LRRC4C: variants seen among roughly 807,000 people sequenced by gnomAD.
LRRC4C encodes the protein leucine rich repeat containing 4C.
A neutral mutation model predicts 33.6 loss-of-function variants in LRRC4C; 5 were observed. The ratio of observed to expected loss-of-function variants is 0.15; its 90% CI spans 0.08 to 0.31. The LOEUF is 0.31. Among genes scored for constraint, LRRC4C ranks in the 10% least tolerant of loss-of-function variants. The probability of loss-of-function intolerance (pLI) is 1.00; values close to 1 mark genes in which losing one functional copy is unlikely to be tolerated. For missense variants in LRRC4C, 560 were observed against 796.7 expected (o/e 0.70, Z 3.58); for synonymous variants, 329 against 302.0 (o/e 1.09, Z -0.93).
chr11:40,893,762 A>T (rs976025229), intron 2 of LRRC4C, among the ~76,000 whole-genome samples: 2 of 151,900 alleles, frequency 1.3e-5, no homozygotes, highest in African/African-American at 4.8e-5. Flanking sequence ...TCAGATTTGG[A>T]GATTATGGCT....
rs149404153 is a variant in LRRC4C at position 41,246,518 on chromosome 11, T to C, written c.-496+212913A>G. Among the ~76,000 whole-genome samples the C allele has an allele frequency of 2.5e-3, 379 of 152,214 alleles. 1 individual carries two copies. The highest frequency in any genetic ancestry group is 8.5e-3 in the African/African-American group (353 of 41,544). ...GCTATAGCTGAGCTCAGAAGAATGG[T>C]GCTCCCCACCCTTCAACTTGGAAGC... On this transcript the variant is annotated intron_variant, in intron 1 of 6. Transcript: ENST00000528697.
chr11:40,183,565 A>G (rs954776973), intron 5 of LRRC4C, among the ~76,000 whole-genome samples: 6 of 152,204 alleles, frequency 3.9e-5, no homozygotes, highest in African/African-American at 1.2e-4. Flanking sequence ...TCAGTTCTAC[A>G]TTGCAGTTTA....
intron 3 of LRRC4C, among the ~76,000 whole-genome samples, chr11:40,513,523 T>C (rs1196143623): frequency 6.6e-6 from 1 of 152,140 alleles, no homozygotes; most frequent in Non-Finnish European, 1.5e-5. Context: ...GGCTGCAAGC[T>C]GGAGAGGTGG....
chr11:40,752,330 A>T (rs1441026023), intron 2 of LRRC4C, among the ~76,000 whole-genome samples: 1 of 152,120 alleles, frequency 6.6e-6, no homozygotes, highest in East Asian at 1.9e-4. Flanking sequence ...ATGGAAGAAA[A>T]TACTGCAAAC....
At chr11:40,306,038 G>A (rs1162046355) in intron 4 of LRRC4C, among the ~76,000 whole-genome samples, 1 of 152,036 alleles carries the variant, frequency 6.6e-6, no homozygotes, top group Non-Finnish European at 1.5e-5. Flanking sequence ...ACAGAACTTC[G>A]GCCCATTCTC....
intron 4 of LRRC4C, among the ~76,000 whole-genome samples, chr11:40,255,888 A>G (rs1411366421): frequency 6.6e-6 from 1 of 152,236 alleles, no homozygotes; most frequent in Non-Finnish European, 1.5e-5. Context: ...AATATCCTGC[A>G]GAAAACAAAT....
intron 5 of LRRC4C, among the ~76,000 whole-genome samples, chr11:40,161,261 G>T (rs1359803480): frequency 6.6e-6 from 1 of 151,974 alleles, no homozygotes; most frequent in Admixed American, 6.6e-5. Context: ...TTTCTCTCTG[G>T]CCATGCTTTA....
At chr11:41,369,033 A>G (rs1419654299) in intron 1 of LRRC4C, among the ~76,000 whole-genome samples, 1 of 152,206 alleles carries the variant, frequency 6.6e-6, no homozygotes, top group Non-Finnish European at 1.5e-5. Flanking sequence ...TTAAATGGAA[A>G]TCATTCCCTC....
chr11:41,370,422 G>A (rs1332843421), intron 1 of LRRC4C, among the ~76,000 whole-genome samples: 1 of 152,122 alleles, frequency 6.6e-6, no homozygotes, highest in East Asian at 1.9e-4. Context: ...TGTTGTGGGA[G>A]GGACCCAGTG....
chr11:40,219,876 T>C (rs1864276305), intron 5 of LRRC4C, among the ~76,000 whole-genome samples: 1 of 152,120 alleles, frequency 6.6e-6, no homozygotes. Flanking sequence ...GCTAAATGAG[T>C]AGATTTTAGC....
chr11:41,352,351 G>A (rs1466943516), intron 1 of LRRC4C, among the ~76,000 whole-genome samples: 1 of 152,180 alleles, frequency 6.6e-6, no homozygotes, highest in African/African-American at 2.4e-5. Flanking sequence ...CAACACTGGA[G>A]TACCCAAATT....
intron 1 of LRRC4C, among the ~76,000 whole-genome samples, chr11:41,171,869 A>G (rs1477309405): frequency 2.6e-5 from 4 of 151,966 alleles, no homozygotes; most frequent in Non-Finnish European, 5.9e-5. Flanking sequence ...CAGACTGAAA[A>G]GGCATGTAGA....
At chr11:41,172,964 G>C (rs555609161) in intron 1 of LRRC4C, among the ~76,000 whole-genome samples, 50 of 152,088 alleles carry the variant, frequency 3.3e-4, no homozygotes, top group Admixed American at 9.2e-4. Flanking sequence ...TCCGAGATGG[G>C]TCCAGAAACC....
At chr11:40,707,056 G>C (rs1018764280) in intron 2 of LRRC4C, among the ~76,000 whole-genome samples, 1 of 152,160 alleles carries the variant, frequency 6.6e-6, no homozygotes, top group Non-Finnish European at 1.5e-5. Flanking sequence ...TTTGCACATT[G>C]ATTTTGTATC....
intron 3 of LRRC4C, among the ~76,000 whole-genome samples, chr11:40,576,873 C>G (rs900704252): frequency 6.6e-6 from 1 of 152,078 alleles, no homozygotes; most frequent in Non-Finnish European, 1.5e-5. Context: ...ACATAGTATG[C>G]GCTCATTAAA....
intron 1 of LRRC4C, among the ~76,000 whole-genome samples, chr11:41,187,139 C>T (rs900681346): frequency 6.6e-6 from 1 of 152,152 alleles, no homozygotes; most frequent in Non-Finnish European, 1.5e-5. Flanking sequence ...AAGGGGAGGG[C>T]ATGGTCCCTG....
At chr11:40,803,393 G>A (rs1324665059) in intron 2 of LRRC4C, among the ~76,000 whole-genome samples, 1 of 152,042 alleles carries the variant, frequency 6.6e-6, no homozygotes, top group Non-Finnish European at 1.5e-5. Flanking sequence ...GCCAAACAAA[G>A]AAACATGGCT....
chr11:40,984,401 AAGAAAGAAAGAAAGAGAAAGAAAG>A (rs1565270974), intron 1 of LRRC4C, among the ~76,000 whole-genome samples: 1,993 of 88,548 alleles, frequency 0.023, 51 homozygotes, highest in African/African-American at 0.062. Flanking sequence ...GAAAGAAAGA[AAGAAAGAAAGAAAGAGAAAGAAAG>A]AAAGAGAAAA....
At chr11:41,203,962 T>A (rs1213768370) in intron 1 of LRRC4C, among the ~76,000 whole-genome samples, 1 of 152,190 alleles carries the variant, frequency 6.6e-6, no homozygotes, top group Non-Finnish European at 1.5e-5. Flanking sequence ...TGTTTTTTCT[T>A]CTTTTTCTTT....
Sources: gnomAD v4.1 joint callset for allele counts (sites outside exome capture counted in the v4.1 genomes callset) on GRCh38, gnomAD v4.1.1 for gene constraint, MANE v1.5 for transcripts, NCBI Gene and HGNC (gene_info 2026-07-23, HGNC 2026-07-21) for gene names.